The following IL20RA variants were observed in gnomAD, a reference collection of about 807,000 sequenced individuals.
IL20RA encodes interleukin 20 receptor subunit alpha, also known as interleukin-20 receptor subunit alpha.
A neutral mutation model predicts 36.5 loss-of-function variants in IL20RA; 29 were observed. The observed-to-expected ratio is 0.79, with a 90% CI of 0.59 to 1.08. The LOEUF (loss-of-function observed/expected upper bound fraction) is 1.08. Among genes scored for constraint, IL20RA ranks in the 50% least tolerant of loss-of-function variants. IL20RA has a pLI of 0.00. For missense variants in IL20RA, 652 were observed against 668.4 expected, an observed-to-expected ratio of 0.98 and a Z score of 0.27; for synonymous variants, 279 against 267.1, an observed-to-expected ratio of 1.04 and a Z score of -0.43.
chr6:137,011,236 C>T (rs1775481491), intron 3 of IL20RA, 38 bp downstream of exon 3: 3 of 1,518,150 alleles, frequency 2.0e-6, no homozygotes, highest in Non-Finnish European at 2.7e-6. Flanking sequence ...GATATGAATA[C>T]ATGTTTAACT....
At chr6:137,030,159 C>A (rs1270429845) in intron 1 of IL20RA, among the ~76,000 whole-genome samples, 1 of 134,380 alleles carries the variant, frequency 7.4e-6, no homozygotes, top group Non-Finnish European at 1.5e-5. Flanking sequence ...TAGCTCACTG[C>A]AGCCTCAAAA....
chr6:137,036,953 C>A (rs986846842), intron 1 of IL20RA, among the ~76,000 whole-genome samples: 1 of 152,088 alleles, frequency 6.6e-6, no homozygotes, highest in Admixed American at 6.6e-5. Context: ...CAAAAGAAAA[C>A]CCTGCAAAGT....
intron 2 of IL20RA, among the ~76,000 whole-genome samples, chr6:137,013,290 G>T (rs565239054): frequency 2.6e-5 from 4 of 152,280 alleles, no homozygotes; most frequent in African/African-American, 9.6e-5. Flanking sequence ...CAAAGGCAAG[G>T]CAGCTTCCCA....
intron 3 of IL20RA, 79 bp downstream of exon 3, chr6:137,011,195 G>T: frequency 8.3e-7 from 1 of 1,208,962 alleles, no homozygotes. Context: ...CTCTGGGCAA[G>T]GCTGTCTGTG....
chr6:137,040,597 T>G (rs750048913), intron 1 of IL20RA, among the ~76,000 whole-genome samples: 8 of 152,210 alleles, frequency 5.3e-5, no homozygotes, highest in Non-Finnish European at 1.0e-4. Flanking sequence ...AAGGAACTCT[T>G]AGTGGCCAAA....
chr6:137,004,484 G>T, intron 6 of IL20RA, 137 bp downstream of exon 6: 1 of 923,222 alleles, frequency 1.1e-6, no homozygotes, highest in Non-Finnish European at 1.7e-6. Context: ...CCCAGAAACT[G>T]TTTTTTAATT....
At chr6:137,028,414 T>TAAAAAAAAA (rs36068116) in intron 1 of IL20RA, among the ~76,000 whole-genome samples, 3 of 117,286 alleles carry the variant, frequency 2.6e-5, no homozygotes, top group Non-Finnish European at 3.5e-5. Context: ...AGACTCCATC[T>TAAAAAAAAA]AAAAAAAAAA....
Position 137,001,771 on chromosome 6 carries a change from A to G in IL20RA, c.1449T>C (p.Asp483=). 1 of 1,612,202 alleles carries G rather than the reference A, an allele frequency of 6.2e-7. No individual in the cohort carries two copies. Among genetic ancestry groups the G allele is most frequent in the Non-Finnish European group, 8.5e-7 (1 of 1,178,636 alleles). ...GAATACACAGCCTGCCAGTTTGGGGATCCCAGTCGACCAGGGTCGTCGATG... is the reference window on the plus strand; with the variant it reads ...GAATACACAGCCTGCCAGTTTGGGGGTCCCAGTCGACCAGGGTCGTCGATG... The part of the protein sequence containing the change: ...EEPSTTLVDW[D]PQTGRLCIPS... The change falls in exon 7 of 7, where the codon GAT becomes GAC. Residue 483 remains aspartate, a synonymous_variant. Coordinates refer to ENST00000316649, the MANE Select transcript of IL20RA (RefSeq NM_014432.4).
At chr6:137,024,581 G>T (rs1776018938) in intron 1 of IL20RA, among the ~76,000 whole-genome samples, 1 of 152,174 alleles carries the variant, frequency 6.6e-6, no homozygotes, top group Non-Finnish European at 1.5e-5. Context: ...AGATGGGCAG[G>T]TCCAATGTCT....
intron 2 of IL20RA, 96 bp from the exon 3 acceptor site, chr6:137,011,548 C>T: frequency 3.8e-6 from 3 of 795,062 alleles, no homozygotes; most frequent in Non-Finnish European, 5.4e-6. Flanking sequence ...AACTGACGAC[C>T]TTCTCTTCAG....
At chr6:137,026,966 C>T (rs1460907949) in intron 1 of IL20RA, among the ~76,000 whole-genome samples, 2 of 152,026 alleles carry the variant, frequency 1.3e-5, no homozygotes, top group Non-Finnish European at 2.9e-5. Context: ...ACTGCAACCT[C>T]CGCCTCCCAG....
intron 2 of IL20RA, among the ~76,000 whole-genome samples, chr6:137,011,795 G>A (rs1420223562): frequency 6.6e-6 from 1 of 152,120 alleles, no homozygotes; most frequent in Non-Finnish European, 1.5e-5. Context: ...TAGGTTTTTA[G>A]TCTACTATGT....
In IL20RA at chr6:137,001,219, G is replaced by A. The variant is rs1260018685; in HGVS notation, c.*339C>T. The A allele has an allele frequency of 5.2e-6, 1 of 191,498 alleles. No homozygotes were observed. The highest frequency in any genetic ancestry group is 1.1e-5 in the Non-Finnish European group (1 of 94,028). The allele number at this position is 191,498 out of a possible 1,614,324, so 11.9% of individuals were successfully genotyped here. Reference sequence around the variant, plus strand: ...TATGGGAAGTACCCAGAAAATAATTGTACAAGTGTGCTTGTTTGAAAATAA... The same window carrying A: ...TATGGGAAGTACCCAGAAAATAATTATACAAGTGTGCTTGTTTGAAAATAA... On this transcript the variant is annotated 3_prime_UTR_variant, in exon 7 of 7. Transcript: ENST00000316649.
chr6:137,024,325 A>C (rs2115400220), intron 1 of IL20RA, among the ~76,000 whole-genome samples: 1 of 152,342 alleles, frequency 6.6e-6, no homozygotes, highest in Non-Finnish European at 1.5e-5. Flanking sequence ...AGTACTGATA[A>C]GGTCATTGAA....
Position 137,002,316 on chromosome 6 carries a change from C to T in IL20RA, c.904G>A (p.Val302Met). 2.5e-6 allele frequency: 4 copies of T among 1,604,006 alleles called. No individual in the cohort carries two copies. The highest frequency in any genetic ancestry group is 2.5e-6 in the Non-Finnish European group (3 of 1,176,538). The change falls in exon 7 of 7, where the codon GTG (valine) becomes ATG (methionine). Residue 302 changes from valine to methionine, a missense_variant. Coordinates refer to ENST00000316649, the MANE Select transcript of IL20RA (RefSeq NM_014432.4). ...TTAATCACGATTTTTTCAGCAGGCA[C>T]AAAGAATCTTTTGTCAAATTCATTT... is the stretch of plus-strand genomic sequence containing the variant. ...YGNEFDKRFF[V>M]PAEKIVINFI...
At chr6:137,034,888 T>C (rs1232217955) in intron 1 of IL20RA, among the ~76,000 whole-genome samples, 2 of 147,806 alleles carry the variant, frequency 1.4e-5, no homozygotes, top group Admixed American at 6.9e-5. Context: ...GAGGTTGCAG[T>C]GAGCCGAGAT....
At chr6:137,044,382 C>A in intron 1 of IL20RA, 1 of 1,029,908 alleles carries the variant, frequency 9.7e-7, no homozygotes, top group Non-Finnish European at 1.2e-6. Context: ...CACCTCAATT[C>A]TCGAGACCGA....
At chr6:137,026,115 A>T (rs1246249851) in intron 1 of IL20RA, among the ~76,000 whole-genome samples, 1 of 152,228 alleles carries the variant, frequency 6.6e-6, no homozygotes, top group Non-Finnish European at 1.5e-5. Context: ...GCTTATGACC[A>T]ACTGGGGCAG....
intron 1 of IL20RA, among the ~76,000 whole-genome samples, chr6:137,041,775 C>T (rs550960697): frequency 2.6e-5 from 4 of 151,592 alleles, no homozygotes; most frequent in East Asian, 3.9e-4. Context: ...TACTTTTTTC[C>T]TCTTTGGGGA....
Sources: allele counts gnomAD v4.1 joint callset (sites outside exome capture counted in the v4.1 genomes callset), GRCh38; gene constraint gnomAD v4.1.1; transcripts MANE v1.5; gene names NCBI Gene and HGNC (gene_info 2026-07-23, HGNC 2026-07-21).